Variants in ENTPD5 observed in about 807,000 individuals in gnomAD.
The protein encoded by ENTPD5 is nucleoside diphosphate phosphatase ENTPD5.
Under a neutral mutation model 60.2 loss-of-function variants are expected in ENTPD5, and 49 were observed. The ratio of observed to expected loss-of-function variants is 0.81; its 90% CI spans 0.65 to 1.03. The LOEUF (loss-of-function observed/expected upper bound fraction) is 1.03. ENTPD5 is among the 50% of genes least tolerant of loss of function. The probability of loss-of-function intolerance (pLI) is 0.00; values close to 1 mark genes in which losing one functional copy is unlikely to be tolerated. For synonymous variants in ENTPD5, 187 were observed against 185.4 expected, an observed-to-expected ratio of 1.01 and a Z score of -0.07; for missense variants, 480 against 507.6, an observed-to-expected ratio of 0.95 and a Z score of 0.52.
At chr14:73,996,891 A>G (rs936642826) in intron 3 of ENTPD5, 4 of 152,218 alleles carry the variant, frequency 2.6e-5, no homozygotes, top group African/African-American at 7.2e-5. Flanking sequence ...TGCATGAACC[A>G]TGATTATATC....
chr14:73,986,069 CAAAAAA>C (rs534512335), intron 5 of ENTPD5, among the ~76,000 whole-genome samples: 3 of 79,302 alleles, frequency 3.8e-5, no homozygotes, highest in Non-Finnish European at 5.4e-5. Flanking sequence ...GATACTCCGT[CAAAAAA>C]AAAAAAAAAA....
Position 73,966,952 on chromosome 14 carries a change from C to A in ENTPD5, c.1263G>T (p.Leu421Phe). 6.2e-7 allele frequency: 1 copy of A among 1,614,184 alleles called. No individual in the cohort carries two copies. Among genetic ancestry groups the A allele is most frequent in the South Asian group, 1.1e-5 (1 of 91,082 alleles). Residue 421 changes from leucine to phenylalanine, a missense_variant, in exon 16 of 16, where the codon TTG (leucine) becomes TTT (phenylalanine). Physicochemically the swap from Leu to Phe is conservative, Grantham distance 22 (BLOSUM62 0). Transcript: ENST00000334696. Reference sequence around the variant, plus strand: ...CTCAATGGGAGATGCCCAGAGACTGCAACAGGTGAAAGGTGGCCCCCAAGG... The same window carrying A: ...CTCAATGGGAGATGCCCAGAGACTGAAACAGGTGAAAGGTGGCCCCCAAGG... ...GWALGATFHL[L>F]QSLGISH
chr14:73,982,213 T>C lies in ENTPD5; in HGVS notation c.441+805A>G, dbSNP rs185691039. Among the ~76,000 whole-genome samples the C allele has an allele frequency of 5.2e-3, 794 of 152,242 alleles. 6 individuals are homozygous for C. The highest frequency in any genetic ancestry group is 0.03 in the South Asian group (143 of 4,824). On this transcript the variant is annotated intron_variant, in intron 6 of 15. Transcript: ENST00000334696. ...CCTCAGCCTCCTGAGTAGCTGGGAC[T>C]ACAGGCGTGCGCCACAATGCCCAGC...
chr14:73,980,101 C>T (rs2057617356), intron 6 of ENTPD5, among the ~76,000 whole-genome samples: 2 of 151,820 alleles, frequency 1.3e-5, no homozygotes, highest in Admixed American at 6.6e-5. Flanking sequence ...TGCCTGCCAC[C>T]ATGCCCAGCT....
intron 15 of ENTPD5, 131 bp downstream of exon 15, chr14:73,969,879 C>T (rs1485410081): frequency 3.0e-6 from 2 of 657,156 alleles, no homozygotes; most frequent in Non-Finnish European, 5.5e-6. Flanking sequence ...AGCACAGTAC[C>T]TTGTCCATAG....
intron 3 of ENTPD5, among the ~76,000 whole-genome samples, chr14:73,989,101 C>T (rs1224347096): frequency 1.3e-5 from 2 of 151,552 alleles, no homozygotes; most frequent in African/African-American, 4.8e-5. Context: ...GGATTACAGG[C>T]ATAAGCCACC....
At chr14:74,002,338 C>G (rs78501396) in intron 3 of ENTPD5, among the ~76,000 whole-genome samples, 2 of 152,060 alleles carry the variant, frequency 1.3e-5, no homozygotes, top group African/African-American at 4.8e-5. Flanking sequence ...GAGTGTAGAG[C>G]AGAGAATGGT....
rs930179037 is a variant in ENTPD5 at position 74,014,088 on chromosome 14, T to C, written c.-131+1736A>G. 2.0e-5 allele frequency among the ~76,000 whole-genome samples: 3 copies of C among 152,080 alleles called. No homozygotes were observed. The East Asian group carries it at 5.8e-4, about 29-fold the overall frequency. ...AGAGAACTTTTAGTCTGTGGCTCTG[T>C]TGGGATGGACAACTAATAAAAATGG... On this transcript the variant is annotated intron_variant, in intron 2 of 15. Transcript: ENST00000334696.
intron 3 of ENTPD5, among the ~76,000 whole-genome samples, chr14:74,000,788 C>A (rs944117907): frequency 4.0e-5 from 6 of 151,140 alleles, no homozygotes; most frequent in African/African-American, 1.2e-4. Context: ...AAAACAACAA[C>A]AAAAAAAATG....
In ENTPD5 at chr14:73,988,050, C is replaced by T. The variant is rs761477367; in HGVS notation, c.53G>A (p.Cys18Tyr). Residue 18 changes from cysteine (C) to tyrosine (Y), a missense_variant, in exon 4 of 16, where the codon TGC (cysteine) becomes TAC (tyrosine). Cys to Tyr is a radical substitution (Grantham distance 194). Coordinates refer to ENST00000334696, the MANE Select transcript of ENTPD5 (RefSeq NM_001249.5). ...VFFMLVVSCV[C>Y]SAVSHRNQQT... ...CTGGTTCCTGTGGGAGACAGCGCTG[C>T]AAACACAGGATACCACCAGCATGAA... 5.0e-6 allele frequency: 8 copies of T among 1,613,872 alleles called. No individual in the cohort carries two copies. In the South Asian group the frequency reaches 8.8e-5, roughly 18 times the overall value.
Position 73,977,377 on chromosome 14 carries a change from A to G in ENTPD5, c.442-3T>C. On this transcript the variant is annotated splice_region_variant and splice_polypyrimidine_tract_variant and intron_variant, in intron 6 of 15. Transcript: ENST00000334696. ...GACTTCCTGAAGATCTCCTTTACCT[A>G]GAGAAAAAGGAAAAAAAAAAAAAAA... is the stretch of plus-strand genomic sequence containing the variant. 1 of 1,517,610 alleles carries G rather than the reference A, an allele frequency of 6.6e-7. No individual in the cohort carries two copies. The highest frequency in any genetic ancestry group is 9.0e-7 in the Non-Finnish European group (1 of 1,109,088). The allele number at this position is 1,517,610 out of a possible 1,614,324, so 94.0% of individuals were successfully genotyped here.
intron 3 of ENTPD5, among the ~76,000 whole-genome samples, chr14:73,995,481 T>C (rs1234288463): frequency 6.6e-6 from 1 of 151,926 alleles, no homozygotes; most frequent in African/African-American, 2.4e-5. Flanking sequence ...GCACTAGATC[T>C]CACCCATTTA....
intron 3 of ENTPD5, among the ~76,000 whole-genome samples, chr14:74,007,029 A>G (rs1566766322): frequency 6.6e-6 from 1 of 152,228 alleles, no homozygotes; most frequent in Non-Finnish European, 1.5e-5. Context: ...AGAATGAAAG[A>G]AAATACTTGT....
chr14:73,981,209 T>C (rs1299918538), intron 6 of ENTPD5, among the ~76,000 whole-genome samples: 2 of 151,842 alleles, frequency 1.3e-5, no homozygotes, highest in Non-Finnish European at 2.9e-5. Flanking sequence ...AGTTGAAATA[T>C]ATGACTTAGG....
At chr14:73,994,710 G>A (rs1042709252) in intron 3 of ENTPD5, among the ~76,000 whole-genome samples, 6 of 145,264 alleles carry the variant, frequency 4.1e-5, no homozygotes, top group East Asian at 4.1e-4. Context: ...CAGCCTGGGC[G>A]ACAGAGCGAG....
rs754481520 is a variant in ENTPD5, at chr14:73,986,859, A to C, written c.252T>G (p.Asp84Glu). ...AAGCAGAAAGTCCTGGCTTCACAGA[A>C]TCAAAAACTTCCCCTTCTAGAATTG... ...QLPILEGEVF[D>E]SVKPGLSAFV... is the part of the protein sequence containing the mutation. Residue 84 changes from aspartate (D) to glutamate (E), a missense_variant, in exon 5 of 16, where the codon GAT (aspartate) becomes GAG (glutamate). Asp to Glu is a conservative substitution (Grantham distance 45, BLOSUM62 2). Coordinates refer to ENST00000334696, the MANE Select transcript of ENTPD5 (RefSeq NM_001249.5). 6.2e-7 allele frequency: 1 copy of C among 1,614,156 alleles called. No homozygotes were observed. The highest frequency in any genetic ancestry group is 8.5e-7 in the Non-Finnish European group (1 of 1,180,000).
chr14:73,958,442 C>T (rs757259831), downstream of ENTPD5: 211 of 1,488,488 alleles, frequency 1.4e-4, no homozygotes, highest in Non-Finnish European at 1.8e-4. Flanking sequence ...ATGGTCTCAT[C>T]GTAAATCCTG....
intron 4 of ENTPD5, 175 bp from the exon 5 acceptor site, chr14:73,987,068 C>G: frequency 1.4e-6 from 1 of 709,478 alleles, no homozygotes; most frequent in Non-Finnish European, 2.6e-6. Context: ...CTAGAGCAAC[C>G]TCTGAGGGTC....
intron 15 of ENTPD5, among the ~76,000 whole-genome samples, chr14:73,967,372 A>G (rs1179027833): frequency 6.6e-6 from 1 of 152,254 alleles, no homozygotes; most frequent in East Asian, 1.9e-4. Flanking sequence ...CTAATTTCAG[A>G]TAAGGCAACT....
Sources: allele counts gnomAD v4.1 joint callset (sites outside exome capture counted in the v4.1 genomes callset), GRCh38; gene constraint gnomAD v4.1.1; transcripts MANE v1.5; gene names NCBI Gene and HGNC (gene_info 2026-07-23, HGNC 2026-07-21).